The following ASXL1 variants were observed in gnomAD, a reference collection of about 807,000 sequenced individuals.
The protein encoded by ASXL1 is polycomb group protein ASXL1.
ASXL1 carries 65 observed loss-of-function variants against 89.1 expected under a neutral mutation model. The ratio of observed to expected loss-of-function variants is 0.73; its 90% CI spans 0.60 to 0.90. The LOEUF is 0.90. Ranked by LOEUF, ASXL1 falls within the 40% of genes least tolerant of loss-of-function variation. The pLI, the probability that ASXL1 is intolerant of heterozygous loss-of-function variation, is 0.00. For synonymous variants in ASXL1, 739 were observed against 746.9 expected (o/e 0.99, Z 0.17); for missense variants, 1,786 against 1,942.9 (o/e 0.92, Z 1.52).
At position 32,435,786 on chromosome 20, in the gene ASXL1, A is replaced by C. The variant is rs1341269354; in HGVS notation, c.3074A>C (p.Lys1025Thr). Reference sequence around the variant, plus strand: ...GACACTAGAGAAGCTGCAGTGACAAAGGGATCTTCGGTGGACAAGGATGAG... The same window carrying C: ...GACACTAGAGAAGCTGCAGTGACAACGGGATCTTCGGTGGACAAGGATGAG... ...EADTREAAVT[K>T]GSSVDKDEKP... Residue 1025 changes from lysine to threonine, a missense_variant, in exon 13 of 13, where the codon AAG (lysine) becomes ACG (threonine). By Grantham distance (78) the Lys-to-Thr change is moderately conservative. Around this residue, in one of 3 missense-constraint regions of ASXL1, gnomAD observed 1,418 missense variants for 1,427.8 expected, o/e 0.99. Transcript: ENST00000375687. 7 of 1,614,240 alleles carry C rather than the reference A, an allele frequency of 4.3e-6. No homozygotes were observed. The highest frequency in any genetic ancestry group is 5.9e-6 in the Non-Finnish European group (7 of 1,180,046).
intron 4 of ASXL1, among the ~76,000 whole-genome samples, chr20:32,370,181 A>C (rs978866561): frequency 6.6e-5 from 10 of 152,234 alleles, no homozygotes; most frequent in Middle Eastern, 6.3e-3. Context: ...AATCAGGTAG[A>C]GTTCATAATA....
intron 4 of ASXL1, among the ~76,000 whole-genome samples, chr20:32,394,572 C>G (rs2048729723): frequency 6.6e-6 from 1 of 152,216 alleles, no homozygotes; most frequent in South Asian, 2.1e-4. Flanking sequence ...TACCACTTCA[C>G]CTATATTACA....
rs2145399784 is a variant in ASXL1 at position 32,437,662 on chromosome 20, G to A, written c.*324G>A. The A allele has an allele frequency of 4.6e-6, 2 of 434,944 alleles. No individual in the cohort carries two copies. The highest frequency in any genetic ancestry group is 5.3e-5 in the South Asian group (2 of 37,440). 26.9% of individuals were successfully genotyped at this position (434,944 alleles called of 1,614,324 possible). ...ACTCCCAGAGGGACTTGAAACTGAA[G>A]CAAGAAGGTTGCATTCTCCACCAAG... On this transcript the variant is annotated 3_prime_UTR_variant, in exon 13 of 13. Coordinates refer to ENST00000375687, the MANE Select transcript of ASXL1 (RefSeq NM_015338.6).
At chr20:32,367,916 A>G (rs2048233307) in intron 3 of ASXL1, among the ~76,000 whole-genome samples, 187 bp downstream of exon 3, 2 of 152,254 alleles carry the variant, frequency 1.3e-5, no homozygotes, top group African/African-American at 2.4e-5. Flanking sequence ...CCCTTGTAGC[A>G]GAGATGCTAG....
intron 4 of ASXL1, among the ~76,000 whole-genome samples, chr20:32,369,741 T>TTA (rs869244300): frequency 1.7e-4 from 20 of 117,944 alleles, no homozygotes; most frequent in African/African-American, 5.2e-4. Flanking sequence ...TTTTTTTTTT[T>TTA]ATTCTGAGAT....
At chr20:32,398,603 G>GTTTTTTTTTTTTGTTT (rs375341392) in intron 4 of ASXL1, among the ~76,000 whole-genome samples, 2 of 126,458 alleles carry the variant, frequency 1.6e-5, no homozygotes, top group African/African-American at 3.2e-5. Context: ...TTTTTTGTTT[G>GTTTTTTTTTTTTGTTT]TTTTTTTTTT....
At chr20:32,404,493 C>T (rs1187260564) in intron 4 of ASXL1, among the ~76,000 whole-genome samples, 1 of 152,098 alleles carries the variant, frequency 6.6e-6, no homozygotes, top group Non-Finnish European at 1.5e-5. Context: ...GATCTGTATT[C>T]TGTGACCTTT....
In ASXL1 at chr20:32,432,991, G is replaced by A. The variant is rs748094948; in HGVS notation, c.1085+6G>A. ...GAAGACTACTATGGACAGAAGTAAG[G>A]CAGTTGGAGCTATGAGTCCTGGTCT... is the stretch of plus-strand genomic sequence containing the variant. On this transcript the variant is annotated splice_donor_region_variant and intron_variant, in intron 11 of 12. Transcript: ENST00000375687. 1.2e-6 allele frequency: 2 copies of A among 1,613,570 alleles called. No homozygotes were observed. Among genetic ancestry groups the A allele is most frequent in the Non-Finnish European group, 1.7e-6 (2 of 1,179,994 alleles).
At chr20:32,378,992 T>C (rs1569256491) in intron 4 of ASXL1, among the ~76,000 whole-genome samples, 1 of 150,174 alleles carries the variant, frequency 6.7e-6, no homozygotes, top group East Asian at 2.0e-4. Flanking sequence ...CCTAGCCAGG[T>C]GTGGTGGTGA....
chr20:32,374,006 A>G (rs1296334380), intron 4 of ASXL1, among the ~76,000 whole-genome samples: 2 of 152,086 alleles, frequency 1.3e-5, no homozygotes, highest in Non-Finnish European at 2.9e-5. Context: ...ATGTGTATAT[A>G]TATGTGTGTA....
chr20:32,422,178 C>T (rs1342944194), intron 4 of ASXL1, among the ~76,000 whole-genome samples: 1 of 147,750 alleles, frequency 6.8e-6, no homozygotes, highest in Non-Finnish European at 1.5e-5. Flanking sequence ...CGCGCCCGGC[C>T]GAGAGGGGTG....
At chr20:32,408,849 C>T (rs1436592845) in intron 4 of ASXL1, among the ~76,000 whole-genome samples, 1 of 152,004 alleles carries the variant, frequency 6.6e-6, no homozygotes, top group African/African-American at 2.4e-5. Context: ...TTTTTCAATC[C>T]ATGAACATGG....
chr20:32,372,988 G>A (rs1320420164), intron 4 of ASXL1, among the ~76,000 whole-genome samples: 1 of 149,348 alleles, frequency 6.7e-6, no homozygotes, highest in Non-Finnish European at 1.5e-5. Context: ...TGTTGCCCAG[G>A]CTGGTCTTGA....
intron 1 of ASXL1, chr20:32,359,608 A>G: frequency 1.4e-6 from 1 of 696,096 alleles, no homozygotes; most frequent in Non-Finnish European, 2.7e-6. Context: ...GGAAATTGGT[A>G]TTTTGAGGAG....
intron 1 of ASXL1, among the ~76,000 whole-genome samples, chr20:32,364,035 A>G (rs1309898295): frequency 2.6e-5 from 4 of 152,286 alleles, no homozygotes; most frequent in South Asian, 4.1e-4. Flanking sequence ...GGAAGACATC[A>G]GTATCCTTCA....
chr20:32,430,887 G>C (rs895208128), intron 8 of ASXL1: 1 of 428,220 alleles, frequency 2.3e-6, no homozygotes, highest in Non-Finnish European at 4.4e-6. Flanking sequence ...TTTCTGCATG[G>C]AGATCATCCC....
At chr20:32,386,789 C>CTTTTTT (rs11445027) in intron 4 of ASXL1, among the ~76,000 whole-genome samples, 1 of 129,652 alleles carries the variant, frequency 7.7e-6, no homozygotes, top group Non-Finnish European at 1.6e-5. Flanking sequence ...CTCTCTCTCT[C>CTTTTTT]TTTTTTTTTT....
rs2048054714 is a variant in ASXL1 at position 32,358,723 on chromosome 20, C to T, written c.-53C>T. 1.2e-5 allele frequency: 14 copies of T among 1,121,802 alleles called. 1 individual carries two copies. In the South Asian group the frequency reaches 1.5e-4, roughly 12 times the overall value. 69.5% of individuals were successfully genotyped at this position (1,121,802 alleles called of 1,614,324 possible). On this transcript the variant is annotated 5_prime_UTR_variant, in exon 1 of 13. Transcript: ENST00000375687. ...CCCCAGCCCCGCGCCACCGCCCCAG[C>T]CCGCCCAGCCCGGAGGTCCCGCGTG...
chr20:32,427,974 AGAACTTGCT>A (rs750998803), intron 4 of ASXL1, 145 bp from the exon 5 acceptor site: 82 of 1,056,048 alleles, frequency 7.8e-5, no homozygotes, highest in Non-Finnish European at 1.0e-4. Context: ...ATTTATGAAA[AGAACTTGCT>A]GAGAAAAAGG....
Sources: allele counts gnomAD v4.1 joint callset (sites outside exome capture counted in the v4.1 genomes callset), GRCh38; gene constraint gnomAD v4.1.1; regional missense constraint gnomAD v4.1.1; transcripts MANE v1.5; gene names NCBI Gene and HGNC (gene_info 2026-07-23, HGNC 2026-07-21).